Variants in ANO2 observed in about 807,000 individuals in gnomAD.
ANO2 encodes anoctamin-2.
Under a neutral mutation model 124.2 loss-of-function variants are expected in ANO2, and 101 were observed. The ratio of observed to expected loss-of-function variants is 0.81; its 90% CI spans 0.69 to 0.96. The LOEUF (loss-of-function observed/expected upper bound fraction) is 0.96, where lower values mean the gene tolerates loss of function less well. Among genes scored for constraint, ANO2 ranks in the 40% least tolerant of loss-of-function variants. The pLI is 0.00. For missense variants in ANO2, 1,293 were observed against 1,274.5 expected, an observed-to-expected ratio of 1.01 and a Z score of -0.22; for synonymous variants, 486 against 482.5, an observed-to-expected ratio of 1.01 and a Z score of -0.09.
intron 10 of ANO2, among the ~76,000 whole-genome samples, chr12:5,779,007 T>C (rs76631670): frequency 0.048 from 7,235 of 152,292 alleles, 544 homozygotes; most frequent in African/African-American, 0.16. Flanking sequence ...CCTGGAAGTA[T>C]TGAAAAGGAA....
At chr12:5,647,853 T>G in intron 14 of ANO2, 52 bp from the exon 15 acceptor site, 2 of 1,350,842 alleles carry the variant, frequency 1.5e-6, no homozygotes, top group Non-Finnish European at 2.1e-6. Flanking sequence ...ATAACAGATA[T>G]TAATTTGCTC....
intron 14 of ANO2, among the ~76,000 whole-genome samples, chr12:5,691,327 CAA>C (rs60573302): frequency 6.2e-4 from 54 of 86,966 alleles, no homozygotes; most frequent in African/African-American, 1.1e-3. Context: ...GACTCCATCT[CAA>C]AAAAAAAAAA....
At chr12:5,860,247 A>G (rs772523517) in intron 3 of ANO2, among the ~76,000 whole-genome samples, 2 of 152,038 alleles carry the variant, frequency 1.3e-5, no homozygotes, top group Non-Finnish European at 2.9e-5. Flanking sequence ...CCTCTTCCTG[A>G]GCCGTGGATT....
At chr12:5,807,098 G>T (rs1482006724) in intron 8 of ANO2, among the ~76,000 whole-genome samples, 1 of 152,152 alleles carries the variant, frequency 6.6e-6, no homozygotes, top group East Asian at 1.9e-4. Flanking sequence ...GTCATCTGGG[G>T]AAATCATTGC....
chr12:5,790,098 G>T (rs182288639), intron 10 of ANO2, among the ~76,000 whole-genome samples: 2 of 152,184 alleles, frequency 1.3e-5, no homozygotes, highest in African/African-American at 2.4e-5. Context: ...CTGAGATCTT[G>T]ATTCCCACAG....
chr12:5,563,199 C>A lies in ANO2; in HGVS notation c.*100G>T, dbSNP rs1404730725. The stretch of plus-strand genomic sequence containing the variant: ...CTCTTCAAGACCCCATCAAGCCAGG[C>A]CCCTGCAGACAGACAGCACGCCATG... On this transcript the variant is annotated 3_prime_UTR_variant, in exon 25 of 25. Transcript: ENST00000682330. The A allele has an allele frequency of 6.9e-7, 1 of 1,454,978 alleles. No individual in the cohort carries two copies. Among genetic ancestry groups the A allele is most frequent in the Middle Eastern group, 2.5e-4 (1 of 4,034 alleles). The allele number at this position is 1,454,978 out of a possible 1,614,324, so 90.1% of individuals were successfully genotyped here. A position where few individuals can be genotyped will look rare whatever the true frequency, so the allele number is the denominator to read the frequency against.
intron 19 of ANO2, among the ~76,000 whole-genome samples, chr12:5,610,861 A>ACAC (rs1565472341): frequency 0.013 from 1,044 of 82,202 alleles, 21 homozygotes; most frequent in African/African-American, 0.033. Flanking sequence ...CACACACACA[A>ACAC]CCCTAAGGGA....
intron 3 of ANO2, among the ~76,000 whole-genome samples, chr12:5,888,833 C>T (rs1218620838): frequency 6.6e-6 from 1 of 152,258 alleles, no homozygotes; most frequent in Non-Finnish European, 1.5e-5. Context: ...GCTGGCTCCA[C>T]CCAGTGGATC....
At chr12:5,782,164 A>G (rs1220280088) in intron 10 of ANO2, among the ~76,000 whole-genome samples, 2 of 152,172 alleles carry the variant, frequency 1.3e-5, no homozygotes, top group Non-Finnish European at 2.9e-5. Flanking sequence ...TGTCTTCTTA[A>G]TGAATTAACC....
intron 16 of ANO2, among the ~76,000 whole-genome samples, chr12:5,616,806 T>G (rs528138865): frequency 2.0e-5 from 3 of 152,292 alleles, no homozygotes; most frequent in Non-Finnish European, 4.4e-5. Context: ...AATATATAGG[T>G]GAGTTACTAC....
At chr12:5,759,661 G>C (rs1328897856) in intron 10 of ANO2, among the ~76,000 whole-genome samples, 1 of 150,148 alleles carries the variant, frequency 6.7e-6, no homozygotes, top group Non-Finnish European at 1.5e-5. Flanking sequence ...ATCTGAGGTA[G>C]AACAATTTCA....
At chr12:5,673,570 C>T (rs1399677592) in intron 14 of ANO2, among the ~76,000 whole-genome samples, 6 of 152,160 alleles carry the variant, frequency 3.9e-5, no homozygotes, top group Non-Finnish European at 7.3e-5. Flanking sequence ...AGCTTTATCC[C>T]AGTGCTTGGT....
rs79068320 is a variant in ANO2 at position 5,678,406 on chromosome 12, C to T, written c.1546-30605G>A. Among the ~76,000 whole-genome samples the T allele has an allele frequency of 6.2e-3, 951 of 152,288 alleles. 13 individuals are homozygous for T. The highest frequency in any genetic ancestry group is 0.021 in the African/African-American group (879 of 41,560). ...CACTTGAGCCGAGATCCTCAGGGCGCCAACTGGGTGGCAGGGGTATCTCCA... is the reference window on the plus strand; with the variant it reads ...CACTTGAGCCGAGATCCTCAGGGCGTCAACTGGGTGGCAGGGGTATCTCCA... On this transcript the variant is annotated intron_variant, in intron 14 of 24. Coordinates refer to ENST00000682330, the MANE Select transcript of ANO2 (RefSeq NM_001364791.2).
chr12:5,623,475 C>A (rs1345922298), intron 16 of ANO2, among the ~76,000 whole-genome samples: 1 of 152,144 alleles, frequency 6.6e-6, no homozygotes, highest in Non-Finnish European at 1.5e-5. Flanking sequence ...TTTTCTTTTA[C>A]GTGTTAATCC....
chr12:5,800,324 G>T (rs143567188), intron 9 of ANO2, among the ~76,000 whole-genome samples: 2 of 152,338 alleles, frequency 1.3e-5, no homozygotes, highest in Non-Finnish European at 2.9e-5. Context: ...GGGATTTGCA[G>T]GTCATGCTAA....
Position 5,578,486 on chromosome 12 carries a change from C to T in ANO2, c.2266G>A (p.Ala756Thr), listed in dbSNP as rs755998822. ...IQFGFVTLFV[A>T]SFPLAPVFAL... Reference sequence around the variant, plus strand: ...AACACAGGTGCCAGGGGAAAGGAGGCCACGAAGAGGGTGACAAAACCAAAC... The same window carrying T: ...AACACAGGTGCCAGGGGAAAGGAGGTCACGAAGAGGGTGACAAAACCAAAC... Residue 756 changes from alanine to threonine, a missense_variant, in exon 21 of 25, where the codon GCC (alanine) becomes ACC (threonine). Coordinates refer to ENST00000682330, the MANE Select transcript of ANO2 (RefSeq NM_001364791.2). 1.2e-6 allele frequency: 2 copies of T among 1,613,748 alleles called. No individual in the cohort carries two copies. Among genetic ancestry groups the T allele is most frequent in the South Asian group, 2.2e-5 (2 of 91,004 alleles).
chr12:5,765,005 C>G (rs927200038), intron 10 of ANO2, among the ~76,000 whole-genome samples: 6 of 152,294 alleles, frequency 3.9e-5, no homozygotes, highest in African/African-American at 1.4e-4. Context: ...TCCATATAAA[C>G]AGTTGACTAT....
At position 5,570,138 on chromosome 12, in the gene ANO2, T is replaced by G. The variant is rs12311765; in HGVS notation, c.2622-4475A>C. Among the ~76,000 whole-genome samples the G allele has an allele frequency of 4.1e-3, 620 of 152,362 alleles. 4 individuals are homozygous for G. The highest frequency in any genetic ancestry group is 0.014 in the African/African-American group (600 of 41,586). ...TGTTAATATTTTATCTAGATTGTTC[T>G]AACTTTGTGAAAACTCACATTGATT... On this transcript the variant is annotated intron_variant, in intron 23 of 24. Coordinates refer to ENST00000682330, the MANE Select transcript of ANO2 (RefSeq NM_001364791.2).
intron 13 of ANO2, among the ~76,000 whole-genome samples, chr12:5,734,687 G>A (rs1591540700): frequency 2.0e-5 from 3 of 148,890 alleles, no homozygotes; most frequent in South Asian, 2.1e-4. Context: ...TCACTCTGTC[G>A]CCCAGGCTGG....
Sources: gnomAD v4.1 joint callset for allele counts (sites outside exome capture counted in the v4.1 genomes callset) on GRCh38, gnomAD v4.1.1 for gene constraint, MANE v1.5 for transcripts, NCBI Gene and HGNC (gene_info 2026-07-23, HGNC 2026-07-21) for gene names.